The following EXOC4 variants were observed in gnomAD, a reference collection of about 807,000 sequenced individuals.
EXOC4 encodes exocyst complex component 4, also known as SEC8-like 1.
A neutral mutation model predicts 107.2 loss-of-function variants in EXOC4; 71 were observed. The observed-to-expected ratio is 0.66, with a 90% confidence interval of 0.55 to 0.81. The LOEUF is 0.81. Ranked by LOEUF, EXOC4 falls within the 30% of genes least tolerant of loss-of-function variation. EXOC4 has a pLI of 0.00. For missense variants in EXOC4, 1,108 were observed against 1,189.6 expected (o/e 0.93, Z 1.01); for synonymous variants, 456 against 441.2 (o/e 1.03, Z -0.42).
chr7:133,353,061 G>C (rs1430676536), intron 5 of EXOC4, among the ~76,000 whole-genome samples: 1 of 151,966 alleles, frequency 6.6e-6, no homozygotes, highest in Non-Finnish European at 1.5e-5. Context: ...ACAAAATGTG[G>C]ATTTATAAAC....
intron 17 of EXOC4, among the ~76,000 whole-genome samples, chr7:134,060,629 G>A (rs1028638908): frequency 1.3e-5 from 2 of 152,176 alleles, no homozygotes; most frequent in Non-Finnish European, 1.5e-5. Flanking sequence ...CAGTCTGACA[G>A]TGTTTATCAT....
At chr7:133,662,129 A>C in intron 10 of EXOC4, among the ~76,000 whole-genome samples, 1 of 152,146 alleles carries the variant, frequency 6.6e-6, no homozygotes, top group African/African-American at 2.4e-5. Context: ...CACAACTGCA[A>C]TTGTTAGGGC....
chr7:133,381,369 GTTA>G (rs1272429195), intron 7 of EXOC4, among the ~76,000 whole-genome samples: 3 of 152,096 alleles, frequency 2.0e-5, no homozygotes, highest in Admixed American at 1.3e-4. Context: ...AATATGTAAT[GTTA>G]TTATTCTGAG....
At chr7:133,566,268 A>G (rs911860981) in intron 9 of EXOC4, among the ~76,000 whole-genome samples, 3 of 152,210 alleles carry the variant, frequency 2.0e-5, no homozygotes, top group South Asian at 2.1e-4. Flanking sequence ...TATAATCCCT[A>G]TAAGTCAGAA....
At chr7:134,007,641 C>T (rs375240198) in intron 16 of EXOC4, 35 bp from the exon 17 acceptor site, 15 of 1,528,566 alleles carry the variant, frequency 9.8e-6, no homozygotes, top group Middle Eastern at 1.8e-4. Context: ...ATCTGTCATC[C>T]GTTTTCTTTG....
intron 7 of EXOC4, among the ~76,000 whole-genome samples, chr7:133,461,422 A>C (rs1798590007): frequency 6.6e-6 from 1 of 152,218 alleles, no homozygotes; most frequent in African/African-American, 2.4e-5. Context: ...TGTTATCTCT[A>C]AAAATTCTAT....
rs1352138857 is a variant in EXOC4, at chr7:133,606,521, T to A, written c.1418-23524T>A. Among the ~76,000 whole-genome samples the A allele has an allele frequency of 2.3e-3, 325 of 142,160 alleles. 1 individual carries two copies. The highest frequency in any genetic ancestry group is 3.7e-3 in the Non-Finnish European group (248 of 66,956). The allele number at this position is 142,160 out of a possible 152,430, so 93.3% of individuals were successfully genotyped here. On this transcript the variant is annotated intron_variant, in intron 9 of 17. Transcript: ENST00000253861. ...TTTATTATTATTATTATTATTATTT[T>A]TTTTTTTTTTTGAGGTGGAGTCTCA...
chr7:133,519,912 TCA>T (rs900751301), intron 9 of EXOC4, among the ~76,000 whole-genome samples: 7 of 152,150 alleles, frequency 4.6e-5, no homozygotes, highest in Non-Finnish European at 1.0e-4. Context: ...TGGAAAAATC[TCA>T]CAGATAATGT....
intron 7 of EXOC4, among the ~76,000 whole-genome samples, chr7:133,411,988 A>G (rs1563055853): frequency 6.6e-6 from 1 of 151,320 alleles, no homozygotes; most frequent in East Asian, 1.9e-4. Context: ...TAACAAAGCA[A>G]TTTTTTTTTG....
At chr7:134,080,568 A>G in the EXOC4 span, among the ~76,000 whole-genome samples, 32,800 of 151,828 alleles carry the variant, frequency 0.22, 5,430 homozygotes, top group African/African-American at 0.47. Context: ...CTAGTCAGTG[A>G]TCAAGGAGAA....
At chr7:134,007,552 G>C (rs1794669726) in intron 16 of EXOC4, 124 bp from the exon 17 acceptor site, 1 of 843,328 alleles carries the variant, frequency 1.2e-6, no homozygotes, top group African/African-American at 1.7e-5. Context: ...ATCAGAGGTA[G>C]ATTTTCTTTG....
intron 9 of EXOC4, among the ~76,000 whole-genome samples, chr7:133,528,822 G>T (rs1478375565): frequency 6.6e-6 from 1 of 152,124 alleles, no homozygotes; most frequent in Non-Finnish European, 1.5e-5. Flanking sequence ...TCCTGAATGT[G>T]CAAGGGTTTT....
chr7:133,995,465 A>T (rs192544871), intron 14 of EXOC4, among the ~76,000 whole-genome samples: 1 of 152,208 alleles, frequency 6.6e-6, no homozygotes, highest in Admixed American at 6.5e-5. Context: ...TTGAAATATC[A>T]TAGTTGTATA....
chr7:133,406,152 G>A (rs941173813), intron 7 of EXOC4, among the ~76,000 whole-genome samples: 3 of 152,170 alleles, frequency 2.0e-5, no homozygotes, highest in African/African-American at 7.2e-5. Flanking sequence ...GTAACAAGCT[G>A]AGGGAAACAG....
chr7:134,031,024 A>T (rs1470269942), intron 17 of EXOC4, among the ~76,000 whole-genome samples: 1 of 152,170 alleles, frequency 6.6e-6, no homozygotes, highest in Non-Finnish European at 1.5e-5. Context: ...AAGAAACCAC[A>T]CACTTTACAA....
At chr7:133,299,345 G>A (rs1047041313) in intron 3 of EXOC4, among the ~76,000 whole-genome samples, 1 of 151,996 alleles carries the variant, frequency 6.6e-6, no homozygotes. Context: ...AGATACTGCC[G>A]TTCTGTGAGG....
At chr7:133,659,585 A>G (rs1340526380) in intron 10 of EXOC4, among the ~76,000 whole-genome samples, 1 of 152,194 alleles carries the variant, frequency 6.6e-6, no homozygotes, top group African/African-American at 2.4e-5. Context: ...CATCAAAATC[A>G]GCAGGGGTTC....
intron 17 of EXOC4, among the ~76,000 whole-genome samples, chr7:134,049,994 T>G (rs1795746698): frequency 6.6e-6 from 1 of 152,068 alleles, no homozygotes; most frequent in South Asian, 2.1e-4. Flanking sequence ...ATGAGGCAGG[T>G]TGATATGAAC....
Position 133,630,150 on chromosome 7 carries a change from A to AT in EXOC4, c.1514+9_1514+10insT. 1 of 1,590,746 alleles carries AT rather than the reference A, an allele frequency of 6.3e-7. No homozygotes were observed. The highest frequency in any genetic ancestry group is 8.6e-7 in the Non-Finnish European group (1 of 1,158,848). ...TTCCACCCATTACTAAGGTAAGTCA[A>AT]GTGCTATGATATACTTACTGAAGAT... is the stretch of plus-strand genomic sequence containing the variant. On this transcript the variant is annotated intron_variant, in intron 10 of 17. Coordinates refer to ENST00000253861, the MANE Select transcript of EXOC4 (RefSeq NM_021807.4).
Sources: allele counts gnomAD v4.1 joint callset (sites outside exome capture counted in the v4.1 genomes callset), GRCh38; gene constraint gnomAD v4.1.1; transcripts MANE v1.5; gene names NCBI Gene and HGNC (gene_info 2026-07-23, HGNC 2026-07-21).